CEP70: variants seen among roughly 807,000 people sequenced by gnomAD.
CEP70 encodes the protein centrosomal protein of 70 kDa.
A neutral mutation model predicts 90.9 loss-of-function variants in CEP70; 70 were observed. The observed-to-expected ratio is 0.77, with a 90% CI of 0.64 to 0.94. CEP70 has a LOEUF of 0.94. Ranked by LOEUF, CEP70 falls within the 40% of genes least tolerant of loss-of-function variation. The pLI, the probability that CEP70 is intolerant of heterozygous loss-of-function variation, is 0.00. For synonymous variants in CEP70, 220 were observed against 228.3 expected (o/e 0.96, Z 0.33); for missense variants, 648 against 669.0 (o/e 0.97, Z 0.35).
chr3:138,543,623 G>A (rs1025225252), intron 6 of CEP70, among the ~76,000 whole-genome samples: 4 of 152,190 alleles, frequency 2.6e-5, no homozygotes, highest in Admixed American at 6.5e-5. Flanking sequence ...GCCCCTGACA[G>A]CTCCATGGAG....
intron 6 of CEP70, 107 bp downstream of exon 6, chr3:138,570,211 C>CA (rs58078442): frequency 1.5e-6 from 1 of 675,598 alleles, no homozygotes; most frequent in Non-Finnish European, 2.4e-6. Flanking sequence ...AGTGATAAGC[C>CA]AAAAAAGGTA....
Position 138,500,536 on chromosome 3 carries a change from T to G in CEP70, c.1400A>C (p.Gln467Pro). Residue 467 changes from glutamine (Q) to proline (P), a missense_variant, in exon 15 of 18, where the codon CAA (glutamine) becomes CCA (proline). Coordinates refer to ENST00000264982, the MANE Select transcript of CEP70 (RefSeq NM_024491.4). ...CTTTTGGAAGTGAGAAACAATAGCT[T>G]GCAAAGTTTGAAAGTGTGGCATATT... ...DSNMPHFQTL[Q>P]AIVSHFQKLF... The G allele has an allele frequency of 6.2e-7, 1 of 1,609,474 alleles. No homozygotes were observed. Among genetic ancestry groups the G allele is most frequent in the Non-Finnish European group, 8.5e-7 (1 of 1,178,866 alleles).
At chr3:138,558,554 C>G (rs1480593704) in intron 6 of CEP70, among the ~76,000 whole-genome samples, 1 of 152,022 alleles carries the variant, frequency 6.6e-6, no homozygotes, top group Non-Finnish European at 1.5e-5. Flanking sequence ...AAGGGAAGGT[C>G]CTAGGAAACT....
At chr3:138,546,118 G>A (rs1463061230) in intron 6 of CEP70, among the ~76,000 whole-genome samples, 2 of 152,006 alleles carry the variant, frequency 1.3e-5, no homozygotes, top group East Asian at 3.9e-4. Context: ...TTGCGGCTCA[G>A]GACATCATGG....
At chr3:138,575,459 C>G (rs931347913) in intron 2 of CEP70, among the ~76,000 whole-genome samples, 1 of 152,062 alleles carries the variant, frequency 6.6e-6, no homozygotes, top group Non-Finnish European at 1.5e-5. Context: ...TGTGAAAAGA[C>G]CAAATCTATG....
intron 11 of CEP70, among the ~76,000 whole-genome samples, chr3:138,512,478 A>G (rs1174164354): frequency 6.6e-6 from 1 of 152,188 alleles, no homozygotes; most frequent in African/African-American, 2.4e-5. Context: ...CCTGTGTTGT[A>G]GCTGCCTGGA....
intron 11 of CEP70, among the ~76,000 whole-genome samples, chr3:138,509,513 T>C (rs958201347): frequency 1.3e-5 from 2 of 152,114 alleles, no homozygotes; most frequent in Admixed American, 1.3e-4. Context: ...CTTGTCCTTC[T>C]CCAAATATCT....
At chr3:138,586,453 A>G (rs2042109892) in intron 2 of CEP70, among the ~76,000 whole-genome samples, 1 of 152,240 alleles carries the variant, frequency 6.6e-6, no homozygotes, top group Admixed American at 6.5e-5. Flanking sequence ...AAATGGATAA[A>G]GAAAATCTGG....
chr3:138,551,795 A>C (rs1345632442), intron 6 of CEP70, among the ~76,000 whole-genome samples: 4 of 152,014 alleles, frequency 2.6e-5, no homozygotes, highest in Non-Finnish European at 5.9e-5. Flanking sequence ...CAGGCAAAAA[A>C]TAGCATGATG....
intron 2 of CEP70, among the ~76,000 whole-genome samples, chr3:138,578,528 CATG>C (rs1228329899): frequency 6.6e-6 from 1 of 151,976 alleles, no homozygotes; most frequent in Non-Finnish European, 1.5e-5. Context: ...TGACAGAGCC[CATG>C]ATGAGAAGAA....
At chr3:138,576,642 A>C (rs1217199126) in intron 2 of CEP70, among the ~76,000 whole-genome samples, 3 of 152,330 alleles carry the variant, frequency 2.0e-5, no homozygotes, top group Admixed American at 1.3e-4. Context: ...AAATCAATAG[A>C]ATATACATTC....
chr3:138,530,475 T>G (rs1189006164), intron 8 of CEP70: 2 of 390,284 alleles, frequency 5.1e-6, no homozygotes, highest in Non-Finnish European at 7.0e-6. Context: ...AATGTGTTTA[T>G]TTTACACATG....
At chr3:138,521,512 T>C (rs1218528787) in intron 11 of CEP70, among the ~76,000 whole-genome samples, 2 of 149,052 alleles carry the variant, frequency 1.3e-5, no homozygotes, top group Admixed American at 6.6e-5. Flanking sequence ...TTGTCTGGGA[T>C]GTGGGGAGCA....
At position 138,527,018 on chromosome 3, in the gene CEP70, A is replaced by G. The variant is rs574354536; in HGVS notation, c.870-1454T>C. Among the ~76,000 whole-genome samples, 4 of 150,382 alleles carry G rather than the reference A, an allele frequency of 2.7e-5. No individual in the cohort carries two copies. The South Asian group carries it at 6.3e-4, about 24-fold the overall frequency. ...TGAGTGAAAGACGATAGACAAAAAA[A>G]GAGTAAATATTGTATAGCTCCACTT... On this transcript the variant is annotated intron_variant, in intron 10 of 17. Coordinates refer to ENST00000264982, the MANE Select transcript of CEP70 (RefSeq NM_024491.4).
intron 7 of CEP70, among the ~76,000 whole-genome samples, chr3:138,534,047 G>C (rs1303721841): frequency 6.6e-6 from 1 of 152,214 alleles, no homozygotes; most frequent in Non-Finnish European, 1.5e-5. Flanking sequence ...GCCTCCCAAA[G>C]TGCTGGGATT....
At chr3:138,591,752 A>C in intron 2 of CEP70, 102 bp downstream of exon 2, 1 of 994,802 alleles carries the variant, frequency 1.0e-6, no homozygotes, top group Non-Finnish European at 1.5e-6. Context: ...TCAGGAAGTC[A>C]AAAGGAAATA....
chr3:138,513,315 G>A (rs2035701403), intron 11 of CEP70, among the ~76,000 whole-genome samples: 1 of 152,098 alleles, frequency 6.6e-6, no homozygotes, highest in African/African-American at 2.4e-5. Flanking sequence ...TCCTACCCTA[G>A]TCACCTGCAT....
chr3:138,494,897 G>C lies in CEP70; in HGVS notation c.*118C>G. 1 of 625,348 alleles carries C rather than the reference G, an allele frequency of 1.6e-6. No individual in the cohort carries two copies. 38.7% of individuals were successfully genotyped at this position (625,348 alleles called of 1,614,324 possible). On this transcript the variant is annotated 3_prime_UTR_variant, in exon 18 of 18. Coordinates refer to ENST00000264982, the MANE Select transcript of CEP70 (RefSeq NM_024491.4). ...ATGAAGAATGACCTAATACTAAGAA[G>C]GGGATGAATTCTGAGAGCAAATACA...
At chr3:138,509,177 C>T (rs1272931089) in intron 11 of CEP70, among the ~76,000 whole-genome samples, 1 of 152,166 alleles carries the variant, frequency 6.6e-6, no homozygotes, top group African/African-American at 2.4e-5. Context: ...CCACAAAAGA[C>T]AGCACAAGAG....
Sources: gnomAD v4.1 joint callset for allele counts (sites outside exome capture counted in the v4.1 genomes callset) on GRCh38, gnomAD v4.1.1 for gene constraint, MANE v1.5 for transcripts, NCBI Gene and HGNC (gene_info 2026-07-23, HGNC 2026-07-21) for gene names.